The following UBE2Q2 variants were observed in gnomAD, a reference collection of about 807,000 sequenced individuals.
The protein encoded by UBE2Q2 is ubiquitin conjugating enzyme E2 Q2.
Under a neutral mutation model 59.9 loss-of-function variants are expected in UBE2Q2, and 54 were observed. The ratio of observed to expected loss-of-function variants is 0.90; its 90% CI spans 0.72 to 1.13. UBE2Q2 has a LOEUF of 1.13. Ranked by LOEUF, UBE2Q2 falls within the 50% of genes most tolerant of loss-of-function variation. UBE2Q2 has a pLI of 0.00. For synonymous variants in UBE2Q2, 165 were observed against 155.2 expected (o/e 1.06, Z -0.47); for missense variants, 433 against 441.9 (o/e 0.98, Z 0.18).
chr15:75,858,844 T>C (rs1407785785), intron 2 of UBE2Q2, among the ~76,000 whole-genome samples: 1 of 152,238 alleles, frequency 6.6e-6, no homozygotes, highest in Non-Finnish European at 1.5e-5. Flanking sequence ...GCATGAAGAT[T>C]TTTGTTGGAT....
intron 2 of UBE2Q2, among the ~76,000 whole-genome samples, chr15:75,858,355 G>T (rs899568431): frequency 6.6e-6 from 1 of 151,996 alleles, no homozygotes; most frequent in Admixed American, 6.6e-5. Flanking sequence ...TATCAGCCCC[G>T]TGTTTTTTCT....
chr15:75,861,253 T>C (rs1897195214), intron 3 of UBE2Q2, among the ~76,000 whole-genome samples: 1 of 152,250 alleles, frequency 6.6e-6, no homozygotes, highest in Non-Finnish European at 1.5e-5. Flanking sequence ...TGGTTGATTA[T>C]ATATTTCTAG....
Position 75,859,613 on chromosome 15 carries a change from A to G in UBE2Q2, c.283-265A>G, listed in dbSNP as rs549538032. On this transcript the variant is annotated intron_variant, in intron 2 of 12. Coordinates refer to ENST00000267938, the MANE Select transcript of UBE2Q2 (RefSeq NM_173469.4). ...CGGGTTAGCAGTGAGAAATTGGACA[A>G]TGTCTGGAACTTCCTTCCTCTGCCC... is the stretch of plus-strand genomic sequence containing the variant. Among the ~76,000 whole-genome samples the G allele has an allele frequency of 7.7e-4, 117 of 152,312 alleles. 3 individuals are homozygous for G. In the South Asian group the frequency reaches 0.022, roughly 29 times the overall value.
chr15:75,890,632 G>A (rs1899046519), intron 10 of UBE2Q2, 149 bp downstream of exon 10: 4 of 772,626 alleles, frequency 5.2e-6, no homozygotes, highest in Middle Eastern at 2.7e-4. Flanking sequence ...AATGAAAAAG[G>A]TAAACCAATA....
chr15:75,844,096 CG>C, intron 1 of UBE2Q2: 1 of 1,415,182 alleles, frequency 7.1e-7, no homozygotes, highest in Non-Finnish European at 9.2e-7. Flanking sequence ...TGGCCCATCT[CG>C]GTCCCCGTCT....
intron 5 of UBE2Q2, 93 bp from the exon 6 acceptor site, chr15:75,876,094 T>C: frequency 9.6e-7 from 1 of 1,044,552 alleles, no homozygotes; most frequent in South Asian, 1.6e-5. Flanking sequence ...TGTTGAGTGG[T>C]GATCCATTTT....
chr15:75,854,506 C>T lies in UBE2Q2; in HGVS notation c.282+19C>T. 1 of 1,501,322 alleles carries T rather than the reference C, an allele frequency of 6.7e-7. No homozygotes were observed. Among genetic ancestry groups the T allele is most frequent in the South Asian group, 1.2e-5 (1 of 84,876 alleles). 93.0% of individuals were successfully genotyped at this position (1,501,322 alleles called of 1,614,324 possible). ...CAATTTGGTAAGAAAATAAGCCAAG[C>T]TATTTTCTCTTTTCCTCATGAACAT... On this transcript the variant is annotated intron_variant, in intron 2 of 12. Coordinates refer to ENST00000267938, the MANE Select transcript of UBE2Q2 (RefSeq NM_173469.4).
intron 2 of UBE2Q2, among the ~76,000 whole-genome samples, chr15:75,857,561 T>G (rs934014711): frequency 2.0e-5 from 3 of 152,170 alleles, no homozygotes; most frequent in Admixed American, 1.3e-4. Context: ...CCTTCATCAT[T>G]GCACTAAAAT....
At chr15:75,844,238 A>T in intron 1 of UBE2Q2, 2 of 1,489,448 alleles carry the variant, frequency 1.3e-6, no homozygotes, top group African/African-American at 1.4e-5. Context: ...GTTTGAGCCC[A>T]GGCCGGCAAG....
In UBE2Q2 at chr15:75,877,998, T is replaced by G. The variant is rs370510765; in HGVS notation, c.711T>G (p.Tyr237Ter). The G allele has an allele frequency of 3.7e-6, 6 of 1,613,750 alleles. No homozygotes were observed. Among genetic ancestry groups the G allele is most frequent in the Non-Finnish European group, 5.1e-6 (6 of 1,179,904 alleles). Reference protein sequence around the residue: ...YSVELINDSLYDWHVKLQKVD... With the variant: ...YSVELINDSL Reference sequence around the variant, plus strand: ...TGGAACTCATAAATGACAGTTTATATGACTGGCATGTTAAACTGCAGAAGT... The same window carrying G: ...TGGAACTCATAAATGACAGTTTATAGGACTGGCATGTTAAACTGCAGAAGT... Residue 237 changes from tyrosine (Y) to a stop codon, truncating the protein, a stop_gained, in exon 7 of 13, where the codon TAT becomes TAG. Transcript: ENST00000267938. LOFTEE classifies it high-confidence loss of function.
At chr15:75,885,316 C>T (rs1448385881) in intron 9 of UBE2Q2, among the ~76,000 whole-genome samples, 6 of 152,062 alleles carry the variant, frequency 3.9e-5, no homozygotes, top group Admixed American at 2.0e-4. Flanking sequence ...TGGGGTTTCA[C>T]CATGTTGGCC....
chr15:75,861,751 C>G (rs1404157441), intron 3 of UBE2Q2, among the ~76,000 whole-genome samples: 1 of 152,108 alleles, frequency 6.6e-6, no homozygotes, highest in East Asian at 1.9e-4. Flanking sequence ...CCAATTATCC[C>G]AAAACTTAAT....
chr15:75,868,880 C>A, intron 3 of UBE2Q2, 71 bp from the exon 4 acceptor site: 4 of 1,337,264 alleles, frequency 3.0e-6, no homozygotes, highest in Non-Finnish European at 4.2e-6. Flanking sequence ...TTTGTGGCAC[C>A]AGTCTTCTAA....
chr15:75,890,798 C>A (rs1017209190), intron 10 of UBE2Q2, 121 bp from the exon 11 acceptor site: 2 of 851,020 alleles, frequency 2.4e-6, no homozygotes, highest in African/African-American at 1.7e-5. Flanking sequence ...ACTTTTTCCC[C>A]TTGACTACAG....
At chr15:75,848,772 C>A (rs1450026326) in intron 1 of UBE2Q2, among the ~76,000 whole-genome samples, 1 of 151,994 alleles carries the variant, frequency 6.6e-6, no homozygotes, top group African/African-American at 2.4e-5. Flanking sequence ...ATAGTCACTG[C>A]CAAATGTCAA....
At chr15:75,851,622 T>C (rs1896638909) in intron 1 of UBE2Q2, among the ~76,000 whole-genome samples, 2 of 152,200 alleles carry the variant, frequency 1.3e-5, no homozygotes, top group South Asian at 4.1e-4. Context: ...TTCCTTGAAA[T>C]GACAGAATCT....
Position 75,843,757 on chromosome 15 carries a change from C to T in UBE2Q2, c.91C>T (p.Leu31=), listed in dbSNP as rs145429829. 34 of 1,610,832 alleles carry T rather than the reference C, an allele frequency of 2.1e-5. No homozygotes were observed. The African/African-American group carries it at 4.3e-4, about 20-fold the overall frequency. Residue 31 remains leucine, a synonymous_variant, in exon 1 of 13, where the codon CTG becomes TTG. Coordinates refer to ENST00000267938, the MANE Select transcript of UBE2Q2 (RefSeq NM_173469.4). The stretch of plus-strand genomic sequence containing the variant: ...GCGATTCCGCATCGTCAGTTGGAAG[C>T]TGGACGAGCTGCACTGCCAGTTCCT... The part of the protein sequence containing the change: ...HERFRIVSWK[L]DELHCQFLVP...
intron 8 of UBE2Q2, among the ~76,000 whole-genome samples, chr15:75,879,417 TTCCAATAAAA>T: frequency 6.6e-6 from 1 of 152,344 alleles, no homozygotes; most frequent in East Asian, 1.9e-4. Context: ...CAAGTGTTCA[TTCCAATAAAA>T]TGGAGAATTG....
intron 3 of UBE2Q2, 35 bp downstream of exon 3, chr15:75,860,017 A>T (rs749620931): frequency 6.9e-7 from 1 of 1,451,572 alleles, no homozygotes. Flanking sequence ...CAAGAGCTAA[A>T]TAAATTGTCT....
Sources: gnomAD v4.1 joint callset for allele counts (sites outside exome capture counted in the v4.1 genomes callset) on GRCh38, gnomAD v4.1.1 for gene constraint, MANE v1.5 for transcripts, NCBI Gene and HGNC (gene_info 2026-07-23, HGNC 2026-07-21) for gene names.